The following CCSER1 variants were observed in gnomAD, a reference collection of about 807,000 sequenced individuals.
CCSER1 encodes the protein coiled-coil serine rich protein 1.
Under a neutral mutation model 82.0 loss-of-function variants are expected in CCSER1, and 41 were observed. The ratio of observed to expected loss-of-function variants is 0.50; its 90% CI spans 0.39 to 0.65. The LOEUF (loss-of-function observed/expected upper bound fraction) is 0.65, where lower values mean the gene tolerates loss of function less well. CCSER1 is among the 30% of genes least tolerant of loss of function. CCSER1 has a pLI of 0.00. For synonymous variants in CCSER1, 414 were observed against 383.9 expected (o/e 1.08, Z -0.92); for missense variants, 1,119 against 1,064.2 (o/e 1.05, Z -0.72).
intron 7 of CCSER1, among the ~76,000 whole-genome samples, chr4:90,741,077 G>A (rs777621137): frequency 2.0e-5 from 3 of 152,154 alleles, no homozygotes; most frequent in Non-Finnish European, 4.4e-5. Flanking sequence ...TACTGCGGTA[G>A]AGTTCAGGTA....
At chr4:91,520,710 C>T (rs1377207422) in intron 10 of CCSER1, among the ~76,000 whole-genome samples, 1 of 152,068 alleles carries the variant, frequency 6.6e-6, no homozygotes, top group Non-Finnish European at 1.5e-5. Flanking sequence ...GATAGGTCTG[C>T]TGGCAACAAA....
At chr4:91,140,113 A>T (rs1218138176) in intron 10 of CCSER1, among the ~76,000 whole-genome samples, 1 of 152,082 alleles carries the variant, frequency 6.6e-6, no homozygotes, top group Admixed American at 6.6e-5. Context: ...ATTATTAGGA[A>T]TAAAGGTAGA....
chr4:90,791,255 G>A (rs1755192333), intron 7 of CCSER1, among the ~76,000 whole-genome samples: 1 of 152,124 alleles, frequency 6.6e-6, no homozygotes, highest in Admixed American at 6.5e-5. Context: ...GGGATTAAGG[G>A]AACTACAATT....
chr4:91,098,855 T>C (rs1238189899), intron 10 of CCSER1, among the ~76,000 whole-genome samples: 3 of 149,570 alleles, frequency 2.0e-5, no homozygotes, highest in Non-Finnish European at 4.4e-5. Flanking sequence ...ATTGTTTTTT[T>C]AAAGGGATAA....
intron 1 of CCSER1, among the ~76,000 whole-genome samples, chr4:90,261,349 A>T (rs1436652570): frequency 1.3e-5 from 2 of 152,102 alleles, no homozygotes; most frequent in Admixed American, 6.6e-5. Context: ...TCTCTTCATC[A>T]TTTATGAAGC....
intron 10 of CCSER1, among the ~76,000 whole-genome samples, chr4:91,245,106 A>G (rs1739658287): frequency 6.6e-6 from 1 of 152,074 alleles, no homozygotes; most frequent in African/African-American, 2.4e-5. Context: ...AGGCAAAAGA[A>G]AAAAGAATAG....
At chr4:90,912,966 C>T (rs1330263403) in intron 8 of CCSER1, among the ~76,000 whole-genome samples, 4 of 152,128 alleles carry the variant, frequency 2.6e-5, no homozygotes, top group Non-Finnish European at 5.9e-5. Flanking sequence ...CGAACAAAGC[C>T]TCCAAGAAAT....
intron 10 of CCSER1, among the ~76,000 whole-genome samples, chr4:91,315,382 A>G (rs1745762220): frequency 6.6e-6 from 1 of 151,954 alleles, no homozygotes; most frequent in African/African-American, 2.4e-5. Flanking sequence ...TTTCAGGCAG[A>G]GACAGTGCTG....
intron 10 of CCSER1, among the ~76,000 whole-genome samples, chr4:91,555,160 G>A (rs1762343094): frequency 6.6e-6 from 1 of 151,032 alleles, no homozygotes; most frequent in Admixed American, 6.6e-5. Flanking sequence ...CCAGAGCACA[G>A]CCAACAAAGA....
At chr4:90,361,135 T>G (rs1561095169) in intron 3 of CCSER1, among the ~76,000 whole-genome samples, 1 of 152,214 alleles carries the variant, frequency 6.6e-6, no homozygotes, top group Non-Finnish European at 1.5e-5. Context: ...AATCTATATT[T>G]TTTCATTCCC....
chr4:90,130,470 TATAAG>T (rs1342413374), intron 1 of CCSER1, among the ~76,000 whole-genome samples: 1 of 152,066 alleles, frequency 6.6e-6, no homozygotes, highest in Non-Finnish European at 1.5e-5. Flanking sequence ...ATAAGAAAAA[TATAAG>T]GTATAAGATG....
chr4:91,451,204 T>C (rs1483298487), intron 10 of CCSER1, among the ~76,000 whole-genome samples: 3 of 151,994 alleles, frequency 2.0e-5, no homozygotes, highest in Non-Finnish European at 4.4e-5. Flanking sequence ...CATGACCTAA[T>C]TAATCAGCTT....
intron 10 of CCSER1, among the ~76,000 whole-genome samples, chr4:91,294,018 C>T (rs1412483958): frequency 6.6e-6 from 1 of 151,734 alleles, no homozygotes; most frequent in Non-Finnish European, 1.5e-5. Context: ...CTTCATTCTA[C>T]ATTTCATGTT....
intron 9 of CCSER1, among the ~76,000 whole-genome samples, chr4:91,028,300 A>G (rs541454937): frequency 6.6e-6 from 1 of 152,124 alleles, no homozygotes; most frequent in South Asian, 2.1e-4. Flanking sequence ...AATAAAATAT[A>G]CTGCCCTTAT....
chr4:90,669,020 G>T (rs889240548), intron 6 of CCSER1, among the ~76,000 whole-genome samples: 6 of 152,022 alleles, frequency 3.9e-5, no homozygotes, highest in African/African-American at 1.4e-4. Context: ...AGAAGAGAGA[G>T]ATTACCAGAA....
chr4:90,861,310 T>A (rs987098433), intron 8 of CCSER1, among the ~76,000 whole-genome samples: 5 of 151,752 alleles, frequency 3.3e-5, no homozygotes, highest in Admixed American at 3.3e-4. Flanking sequence ...GTAATGTGTA[T>A]TTAAATTAGT....
intron 10 of CCSER1, among the ~76,000 whole-genome samples, chr4:91,510,120 G>C (rs1759741744): frequency 6.6e-6 from 1 of 152,040 alleles, no homozygotes; most frequent in Admixed American, 6.6e-5. Flanking sequence ...TTGGTTTTCT[G>C]TTCCTGCATT....
chr4:90,807,755 A>G (rs1415975387), intron 7 of CCSER1, among the ~76,000 whole-genome samples: 7 of 152,172 alleles, frequency 4.6e-5, no homozygotes, highest in Non-Finnish European at 1.0e-4. Flanking sequence ...TAAAAAATGG[A>G]AATACATCCT....
Position 90,293,772 on chromosome 4 carries a change from GAT to G in CCSER1, c.-41-14466_-41-14465del, listed in dbSNP as rs531987266. Among the ~76,000 whole-genome samples the G allele has an allele frequency of 6.6e-5, 10 of 151,710 alleles. No individual in the cohort carries two copies. The South Asian group carries it at 2.1e-3, about 32-fold the overall frequency. On this transcript the variant is annotated intron_variant, in intron 1 of 10. Coordinates refer to ENST00000509176, the MANE Select transcript of CCSER1 (RefSeq NM_001145065.2). ...ATGTCTCAAAAGAACATGCATCTCA[GAT>G]ATATAGTTTACTTAAAAATAAGTAA...
Sources: gnomAD v4.1 joint callset for allele counts (sites outside exome capture counted in the v4.1 genomes callset) on GRCh38, gnomAD v4.1.1 for gene constraint, MANE v1.5 for transcripts, NCBI Gene and HGNC (gene_info 2026-07-23, HGNC 2026-07-21) for gene names.